TMEM132D: variants seen among roughly 807,000 people sequenced by gnomAD.
The protein encoded by TMEM132D is mature OL transmembrane protein.
A neutral mutation model predicts 62.3 loss-of-function variants in TMEM132D; 21 were observed. That is an observed-to-expected ratio of 0.34 (90% confidence interval 0.24 to 0.49). The LOEUF is 0.49. TMEM132D is among the 20% of genes least tolerant of loss of function. The pLI is 0.99. For missense variants in TMEM132D, 1,346 were observed against 1,402.8 expected (o/e 0.96, Z 0.65); for synonymous variants, 621 against 575.6 (o/e 1.08, Z -1.13).
intron 4 of TMEM132D, among the ~76,000 whole-genome samples, chr12:129,249,946 A>G (rs1880221610): frequency 6.6e-6 from 1 of 152,176 alleles, no homozygotes; most frequent in Admixed American, 6.5e-5. Flanking sequence ...TTAAAGGGCA[A>G]GGGGAGAATG....
intron 4 of TMEM132D, among the ~76,000 whole-genome samples, chr12:129,314,011 T>C (rs1033258643): frequency 1.3e-5 from 2 of 152,222 alleles, no homozygotes; most frequent in African/African-American, 4.8e-5. Flanking sequence ...ATATCTTCTT[T>C]TGAGAATTGT....
intron 3 of TMEM132D, among the ~76,000 whole-genome samples, chr12:129,366,755 T>A (rs1365000695): frequency 6.6e-6 from 1 of 152,092 alleles, no homozygotes. Context: ...TGGCTTTGAA[T>A]GAGAGGCAGG....
chr12:129,751,169 G>C (rs900810514), intron 1 of TMEM132D, among the ~76,000 whole-genome samples: 1 of 152,150 alleles, frequency 6.6e-6, no homozygotes, highest in African/African-American at 2.4e-5. Flanking sequence ...AGAGAAAAGA[G>C]GTTTAATTGG....
intron 2 of TMEM132D, among the ~76,000 whole-genome samples, chr12:129,691,817 C>A (rs965801152): frequency 6.6e-6 from 1 of 151,974 alleles, no homozygotes; most frequent in African/African-American, 2.4e-5. Flanking sequence ...ATACTAAATA[C>A]AGCAGCTAAC....
chr12:129,212,823 G>A (rs1879092859), intron 4 of TMEM132D, among the ~76,000 whole-genome samples: 1 of 133,166 alleles, frequency 7.5e-6, no homozygotes, highest in Non-Finnish European at 1.6e-5. Flanking sequence ...CAGAGAATAG[G>A]CTGGATGTGG....
At chr12:129,469,571 C>A (rs1485132009) in intron 3 of TMEM132D, among the ~76,000 whole-genome samples, 2 of 152,202 alleles carry the variant, frequency 1.3e-5, no homozygotes, top group African/African-American at 4.8e-5. Flanking sequence ...GTCCATCCAT[C>A]ACTCAAGCAA....
intron 5 of TMEM132D, among the ~76,000 whole-genome samples, chr12:129,134,101 TTGTG>T (rs928193636): frequency 1.5e-5 from 2 of 136,674 alleles, no homozygotes; most frequent in Admixed American, 7.8e-5. Context: ...TGTGTGTGTG[TTGTG>T]TGTCTGTGTG....
At chr12:129,651,295 AC>A (rs1472555399) in intron 2 of TMEM132D, among the ~76,000 whole-genome samples, 2 of 152,206 alleles carry the variant, frequency 1.3e-5, no homozygotes, top group African/African-American at 2.4e-5. Context: ...TTCTTTTGTG[AC>A]CAAGTCGCAT....
chr12:129,101,468 G>GCCAC (rs1875306637), intron 5 of TMEM132D, among the ~76,000 whole-genome samples: 2 of 152,050 alleles, frequency 1.3e-5, no homozygotes, highest in Non-Finnish European at 2.9e-5. Context: ...ACTTGAATTT[G>GCCAC]CAGCCCCTGG....
chr12:129,819,887 G>A (rs1006623750), intron 1 of TMEM132D, among the ~76,000 whole-genome samples: 6 of 152,202 alleles, frequency 3.9e-5, no homozygotes, highest in Non-Finnish European at 7.3e-5. Flanking sequence ...AAGTGCTCAT[G>A]AGTGGGAGAC....
At chr12:129,111,541 G>A (rs1471341711) in intron 5 of TMEM132D, 8 of 152,138 alleles carry the variant, frequency 5.3e-5, no homozygotes, top group Non-Finnish European at 8.8e-5. Context: ...GTGGGCATCC[G>A]GCGCCCAGAG....
intron 5 of TMEM132D, among the ~76,000 whole-genome samples, chr12:129,194,584 C>G (rs1878495266): frequency 1.3e-5 from 2 of 152,066 alleles, no homozygotes; most frequent in South Asian, 4.2e-4. Flanking sequence ...CGTAACAAAC[C>G]TTCACGTGTA....
intron 4 of TMEM132D, among the ~76,000 whole-genome samples, chr12:129,217,342 G>A (rs12309503): frequency 5.3e-5 from 8 of 152,142 alleles, no homozygotes; most frequent in African/African-American, 1.9e-4. Context: ...ATAAGTGTGA[G>A]CTAAATGTTG....
At chr12:129,386,126 C>T (rs1372506891) in intron 3 of TMEM132D, among the ~76,000 whole-genome samples, 1 of 152,292 alleles carries the variant, frequency 6.6e-6, no homozygotes, top group East Asian at 1.9e-4. Context: ...CCCTTGATCT[C>T]ATGTTAACAT....
Position 129,821,278 on chromosome 12 carries a change from T to C in TMEM132D, c.79+81983A>G, listed in dbSNP as rs564146295. Among the ~76,000 whole-genome samples, 191 of 152,310 alleles carry C rather than the reference T, an allele frequency of 1.3e-3. 1 individual carries two copies. The highest frequency in any genetic ancestry group is 1.2e-3 in the Non-Finnish European group (83 of 68,020). On this transcript the variant is annotated intron_variant, in intron 1 of 8. Coordinates refer to ENST00000422113, the MANE Select transcript of TMEM132D (RefSeq NM_133448.3). ...CAAGCATCTTTGGGCACAGAGAACTTAATTTCCTGGAGAATTCCACGGTGT... is the reference window on the plus strand; with the variant it reads ...CAAGCATCTTTGGGCACAGAGAACTCAATTTCCTGGAGAATTCCACGGTGT...
At chr12:129,513,706 C>T (rs556769620) in intron 3 of TMEM132D, among the ~76,000 whole-genome samples, 5 of 151,662 alleles carry the variant, frequency 3.3e-5, no homozygotes, top group South Asian at 4.2e-4. Context: ...AGGATGGTCT[C>T]GATCTCCTGA....
At chr12:129,640,683 C>T (rs536260243) in intron 2 of TMEM132D, among the ~76,000 whole-genome samples, 1 of 152,314 alleles carries the variant, frequency 6.6e-6, no homozygotes, top group South Asian at 2.1e-4. Flanking sequence ...TTAATTCCTA[C>T]ATAACAAGGG....
At chr12:129,516,517 A>T (rs1875686206) in intron 3 of TMEM132D, among the ~76,000 whole-genome samples, 3 of 152,156 alleles carry the variant, frequency 2.0e-5, no homozygotes, top group Admixed American at 6.5e-5. Flanking sequence ...GCTAAGTGAA[A>T]GGGGCTTCCC....
intron 1 of TMEM132D, among the ~76,000 whole-genome samples, chr12:129,782,417 T>TAGA (rs1871145122): frequency 1.3e-5 from 2 of 152,310 alleles, no homozygotes; most frequent in South Asian, 4.1e-4. Context: ...TGATTTACCT[T>TAGA]TCTGTGCCTT....
Sources: allele counts gnomAD v4.1 joint callset (sites outside exome capture counted in the v4.1 genomes callset), GRCh38; gene constraint gnomAD v4.1.1; transcripts MANE v1.5; gene names NCBI Gene and HGNC (gene_info 2026-07-23, HGNC 2026-07-21).